KLF8: variants seen among roughly 807,000 people sequenced by gnomAD.
The protein encoded by KLF8 is Krueppel-like factor 8.
KLF8 carries 10 observed loss-of-function variants against 18.2 expected under a neutral mutation model. The ratio of observed to expected loss-of-function variants is 0.55; its 90% CI spans 0.34 to 0.93. KLF8 has a LOEUF of 0.93. Among genes scored for constraint, KLF8 ranks in the 40% least tolerant of loss-of-function variants. The pLI is 0.02. For missense variants in KLF8, 264 were observed against 277.9 expected (o/e 0.95, Z 0.36); for synonymous variants, 109 against 97.3 (o/e 1.12, Z -0.71).
the KLF8 span, among the ~76,000 whole-genome samples, chrX:56,180,569 G>T: frequency 9.1e-6 from 1 of 110,460 alleles, no homozygotes; most frequent in Admixed American, 9.7e-5. Context: ...TGTCAATTTT[G>T]ATCTTTCCTG....
the KLF8 span, among the ~76,000 whole-genome samples, chrX:55,933,849 C>A: frequency 1.8e-5 from 2 of 111,907 alleles, no homozygotes; most frequent in African/African-American, 6.5e-5. Flanking sequence ...GGTTGCATTT[C>A]AAATTATATT....
the KLF8 span, among the ~76,000 whole-genome samples, chrX:56,197,802 C>T: frequency 1.8e-5 from 2 of 111,818 alleles, no homozygotes; most frequent in Non-Finnish European, 3.8e-5. Context: ...GAATTTCAGA[C>T]CCATATCCCT....
the KLF8 span, among the ~76,000 whole-genome samples, chrX:56,158,084 A>T: frequency 8.9e-6 from 1 of 111,756 alleles, no homozygotes. Context: ...TAAGGAAGGG[A>T]TCCAGTTTCA....
At chrX:56,192,040 T>C in the KLF8 span, among the ~76,000 whole-genome samples, 3 of 111,719 alleles carry the variant, frequency 2.7e-5, no homozygotes, top group Non-Finnish European at 1.9e-5. Context: ...CAAATTATTC[T>C]TGTGTGCAGA....
chrX:56,070,275 C>T, the KLF8 span, among the ~76,000 whole-genome samples: 1 of 110,491 alleles, frequency 9.1e-6, no homozygotes, highest in East Asian at 2.8e-4. Flanking sequence ...GAAGGGAGAG[C>T]ATTTGGACAA....
At chrX:56,104,762 G>C in the KLF8 span, among the ~76,000 whole-genome samples, 1 of 110,780 alleles carries the variant, frequency 9.0e-6, no homozygotes, top group Non-Finnish European at 1.9e-5. Flanking sequence ...GCTAGCTTTT[G>C]AATGTGTTTA....
the KLF8 span, among the ~76,000 whole-genome samples, chrX:55,997,745 T>G: frequency 8.9e-6 from 1 of 112,333 alleles, no homozygotes; most frequent in South Asian, 3.7e-4. Context: ...TTGCTGATTC[T>G]TTTGAATTCC....
chrX:55,960,790 A>T, the KLF8 span, among the ~76,000 whole-genome samples: 1 of 112,277 alleles, frequency 8.9e-6, no homozygotes. Context: ...TCAAGTCTAC[A>T]TAACAACCAA....
the KLF8 span, among the ~76,000 whole-genome samples, chrX:56,001,155 C>T: frequency 5.4e-5 from 6 of 112,109 alleles, no homozygotes; most frequent in Non-Finnish European, 1.1e-4. Flanking sequence ...ATCGAAACTG[C>T]TGTGCTTAGA....
rs1034532453 is a variant in KLF8, at chrX:56,287,063, A to T, written c.*2569A>T. On this transcript the variant is annotated 3_prime_UTR_variant, in exon 6 of 6. Transcript: ENST00000468660. Reference sequence around the variant, plus strand: ...CTCAGAATCTTTTGCATTGAGACATATGATCTATTTATAAATAAAGGTTAT... The same window carrying T: ...CTCAGAATCTTTTGCATTGAGACATTTGATCTATTTATAAATAAAGGTTAT... 8.9e-6 allele frequency: 1 copy of T among 111,943 alleles called. No homozygotes were observed. Among genetic ancestry groups the T allele is most frequent in the East Asian group, 2.8e-4 (1 of 3,585 alleles). The allele number at this position is 111,943 out of a possible 1,213,427, so 9.2% of individuals were successfully genotyped here. A position where few individuals can be genotyped will look rare whatever the true frequency, so the allele number is the denominator to read the frequency against.
At chrX:56,272,678 A>G (rs1370346067) in intron 5 of KLF8, among the ~76,000 whole-genome samples, 1 of 111,116 alleles carries the variant, frequency 9.0e-6, no homozygotes, top group Non-Finnish European at 1.9e-5. Flanking sequence ...TGCTTTAGGA[A>G]ATAACGTGGC....
At chrX:56,189,498 G>T in the KLF8 span, among the ~76,000 whole-genome samples, 3 of 111,026 alleles carry the variant, frequency 2.7e-5, no homozygotes, top group Admixed American at 9.6e-5. Context: ...AATACCATTT[G>T]ACCCAGCCAT....
At chrX:56,168,358 C>A in the KLF8 span, among the ~76,000 whole-genome samples, 1 of 111,870 alleles carries the variant, frequency 8.9e-6, no homozygotes, top group Non-Finnish European at 1.9e-5. Context: ...AATAAAATAT[C>A]TGTGCACTGA....
chrX:56,174,046 G>A, the KLF8 span, among the ~76,000 whole-genome samples: 15 of 111,863 alleles, frequency 1.3e-4, no homozygotes, highest in Non-Finnish European at 2.8e-4. Context: ...TGCAAACAGG[G>A]ACAATTTGCC....
the KLF8 span, chrX:55,962,510 A>T: frequency 9.8e-5 from 18 of 183,259 alleles, no homozygotes; most frequent in Non-Finnish European, 1.7e-4. Context: ...AACAGAAACA[A>T]CCTTTCTGTC....
chrX:56,265,838 T>TACGGCGACCACCGAGA, intron 3 of KLF8, 94 bp downstream of exon 3: 1 of 1,101,677 alleles, frequency 9.1e-7, no homozygotes, highest in South Asian at 2.3e-5. Flanking sequence ...CCTCCAATTA[T>TACGGCGACCACCGAGA]TCTTGCACAC....
chrX:56,104,964 C>T, the KLF8 span, among the ~76,000 whole-genome samples: 3 of 111,944 alleles, frequency 2.7e-5, no homozygotes, highest in Non-Finnish European at 1.9e-5. Flanking sequence ...GCATTCATTT[C>T]ATTATGTACC....
chrX:56,152,294 G>A, the KLF8 span, among the ~76,000 whole-genome samples: 13 of 111,148 alleles, frequency 1.2e-4, no homozygotes, highest in Non-Finnish European at 2.1e-4. Context: ...TGGTACCTTC[G>A]TGTGAGATTT....
chrX:55,962,206 A>G, the KLF8 span: 16 of 171,016 alleles, frequency 9.4e-5, no homozygotes, highest in Non-Finnish European at 1.0e-4. Context: ...TGCAAAAACA[A>G]TGGTTGCAAG....
Sources: gnomAD v4.1 joint callset for allele counts (sites outside exome capture counted in the v4.1 genomes callset) on GRCh38, gnomAD v4.1.1 for gene constraint, MANE v1.5 for transcripts, NCBI Gene and HGNC (gene_info 2026-07-23, HGNC 2026-07-21) for gene names.